PLXNA2: variants seen among roughly 807,000 people sequenced by gnomAD.
PLXNA2 encodes the protein plexin-A2.
A neutral mutation model predicts 193.5 loss-of-function variants in PLXNA2; 91 were observed. The observed-to-expected ratio is 0.47, with a 90% CI of 0.40 to 0.56. The LOEUF (loss-of-function observed/expected upper bound fraction) is 0.56, where lower values mean the gene tolerates loss of function less well. Ranked by LOEUF, PLXNA2 falls within the 20% of genes least tolerant of loss-of-function variation. The pLI is 0.00. For synonymous variants in PLXNA2, 997 were observed against 1,027.3 expected, an observed-to-expected ratio of 0.97 and a Z score of 0.56; for missense variants, 1,995 against 2,503.2, an observed-to-expected ratio of 0.80 and a Z score of 4.33.
rs1491364667 is a variant in PLXNA2 at position 208,086,979 on chromosome 1, C to CTCTCTCTCTCTCTG, written c.2098-2400_2098-2399insCAGAGAGAGAGAGA. Among the ~76,000 whole-genome samples the CTCTCTCTCTCTCTG allele has an allele frequency of 3.7e-4, 24 of 65,490 alleles. No homozygotes were observed. In the East Asian group the frequency reaches 5.7e-3, roughly 16 times the overall value. 43.0% of individuals were successfully genotyped at this position (65,490 alleles called of 152,430 possible). On this transcript the variant is annotated intron_variant, in intron 9 of 31. Coordinates refer to ENST00000367033, the MANE Select transcript of PLXNA2 (RefSeq NM_025179.4). Reference sequence around the variant, plus strand: ...TCTCTCTCTCTCTCTCTCTCTCTCTCTGTGTGTGTGTGAGAGAGAGAGAGA... The same window carrying CTCTCTCTCTCTCTG: ...TCTCTCTCTCTCTCTCTCTCTCTCTCTCTCTCTCTCTCTGTGTGTGTGTGTGAGAGAGAGAGAGA...
intron 4 of PLXNA2, among the ~76,000 whole-genome samples, chr1:208,139,845 G>A (rs919421405): frequency 1.3e-5 from 2 of 152,182 alleles, no homozygotes; most frequent in African/African-American, 4.8e-5. Context: ...GCTGTTCTTG[G>A]CTTTCAGCTT....
Position 208,103,170 on chromosome 1 carries a change from A to G in PLXNA2, c.1584T>C (p.Cys528=). The change falls in exon 5 of 32, where the codon TGT becomes TGC. Residue 528 remains cysteine (C), a synonymous_variant. Coordinates refer to ENST00000367033, the MANE Select transcript of PLXNA2 (RefSeq NM_025179.4). ...ACATGTTGTGCAGGGCACACCAGCC[A>G]CAGTGAGGGTCCCCAGAGCTCAGGC... is the stretch of plus-strand genomic sequence containing the variant. ...GECLSSGDPH[C]GWCALHNMCS... 1 of 1,614,002 alleles carries G rather than the reference A, an allele frequency of 6.2e-7. No individual in the cohort carries two copies. Among genetic ancestry groups the G allele is most frequent in the Non-Finnish European group, 8.5e-7 (1 of 1,179,890 alleles).
At chr1:208,204,384 C>T (rs1212468195) in intron 3 of PLXNA2, among the ~76,000 whole-genome samples, 1 of 152,168 alleles carries the variant, frequency 6.6e-6, no homozygotes, top group Non-Finnish European at 1.5e-5. Flanking sequence ...TAAATGCTGT[C>T]CCCTTCCTCC....
chr1:208,086,977 C>G (rs59052705), intron 9 of PLXNA2, among the ~76,000 whole-genome samples: 725 of 60,652 alleles, frequency 0.012, 3 homozygotes, highest in African/African-American at 0.03. Flanking sequence ...CTCTCTCTCT[C>G]TCTGTGTGTG....
intron 26 of PLXNA2, among the ~76,000 whole-genome samples, chr1:208,037,000 T>C (rs1443846720): frequency 6.6e-6 from 1 of 152,212 alleles, no homozygotes; most frequent in Non-Finnish European, 1.5e-5. Flanking sequence ...TTACAATTGT[T>C]CTACTGGATA....
chr1:208,168,411 T>C (rs1669377649), intron 3 of PLXNA2, among the ~76,000 whole-genome samples: 1 of 152,222 alleles, frequency 6.6e-6, no homozygotes. Context: ...CACTGATGTA[T>C]TCCTAACATC....
chr1:208,193,528 T>C (rs775168067), intron 3 of PLXNA2, among the ~76,000 whole-genome samples: 1 of 152,162 alleles, frequency 6.6e-6, no homozygotes, highest in Non-Finnish European at 1.5e-5. Flanking sequence ...CAAAATGAGA[T>C]AAAAATGGGC....
chr1:208,068,572 T>A (rs1191388787), intron 12 of PLXNA2, among the ~76,000 whole-genome samples: 1 of 152,174 alleles, frequency 6.6e-6, no homozygotes, highest in Admixed American at 6.5e-5. Flanking sequence ...GACTCTCGGA[T>A]TTCTATGCAT....
In PLXNA2 at chr1:208,033,376, A is replaced by G; in HGVS notation, c.4998T>C (p.Gly1666=). The G allele has an allele frequency of 6.2e-7, 1 of 1,613,906 alleles. No individual in the cohort carries two copies. The highest frequency in any genetic ancestry group is 8.5e-7 in the Non-Finnish European group (1 of 1,179,942). The change falls in exon 28 of 32, where the codon GGT becomes GGC. Residue 1666 remains glycine (G), a synonymous_variant. Transcript: ENST00000367033. ...CGGACACCATCTTGCTGCCCCGGTCACCCTCCTTCTGGTCACCGTGGTCAT... is the reference window on the plus strand; with the variant it reads ...CGGACACCATCTTGCTGCCCCGGTCGCCCTCCTTCTGGTCACCGTGGTCAT... The part of the protein sequence containing the change: ...KNHDHGDQKE[G]DRGSKMVSEI...
At chr1:208,030,303 G>C (rs1664459234) in intron 29 of PLXNA2, 4 of 985,500 alleles carry the variant, frequency 4.1e-6, no homozygotes, top group Non-Finnish European at 3.6e-6. Context: ...ACGATGCCAG[G>C]GTAGTCCATT....
intron 8 of PLXNA2, among the ~76,000 whole-genome samples, chr1:208,093,887 C>G (rs1012492282): frequency 6.6e-6 from 1 of 152,182 alleles, no homozygotes; most frequent in Non-Finnish European, 1.5e-5. Flanking sequence ...CTTACTCTAT[C>G]TAGTCTTTCA....
chr1:208,159,849 T>C (rs917136719), intron 3 of PLXNA2, among the ~76,000 whole-genome samples: 7 of 152,146 alleles, frequency 4.6e-5, no homozygotes, highest in African/African-American at 1.7e-4. Flanking sequence ...GAACCTGTGC[T>C]TCCAGAGCCA....
At chr1:208,058,068 C>A (rs535301364) in intron 13 of PLXNA2, among the ~76,000 whole-genome samples, 1 of 152,246 alleles carries the variant, frequency 6.6e-6, no homozygotes, top group African/African-American at 2.4e-5. Flanking sequence ...CCCCACACTA[C>A]ACCACCTCCC....
intron 13 of PLXNA2, among the ~76,000 whole-genome samples, chr1:208,057,846 C>G (rs191408756): frequency 1.3e-5 from 2 of 152,308 alleles, no homozygotes; most frequent in African/African-American, 4.8e-5. Context: ...ACAATGGGAG[C>G]TGCAGATTCC....
At chr1:208,099,804 C>T (rs576727725) in intron 5 of PLXNA2, among the ~76,000 whole-genome samples, 2 of 152,116 alleles carry the variant, frequency 1.3e-5, no homozygotes, top group South Asian at 4.2e-4. Context: ...CTCCTGATCT[C>T]GTGATCCACC....
chr1:208,068,120 T>A (rs1665856595), intron 12 of PLXNA2, among the ~76,000 whole-genome samples: 1 of 152,214 alleles, frequency 6.6e-6, no homozygotes, highest in South Asian at 2.1e-4. Flanking sequence ...ACGATAACTA[T>A]CTTGGGACAA....
At chr1:208,235,195 T>C (rs531125575) in intron 1 of PLXNA2, among the ~76,000 whole-genome samples, 18 of 152,326 alleles carry the variant, frequency 1.2e-4, no homozygotes, top group African/African-American at 4.3e-4. Flanking sequence ...GCCCTGAATG[T>C]GGTCTCCTTG....
At chr1:208,072,824 A>G (rs1354352521) in intron 12 of PLXNA2, among the ~76,000 whole-genome samples, 1 of 152,218 alleles carries the variant, frequency 6.6e-6, no homozygotes, top group African/African-American at 2.4e-5. Flanking sequence ...TTTAAGGCTC[A>G]GTACAAAGGG....
At chr1:208,228,365 C>T (rs756892341) in intron 1 of PLXNA2, among the ~76,000 whole-genome samples, 16 of 152,154 alleles carry the variant, frequency 1.1e-4, no homozygotes, top group Admixed American at 5.2e-4. Context: ...GTTCAAAGGG[C>T]GGGGCTCTTC....
Sources: gnomAD v4.1 joint callset for allele counts (sites outside exome capture counted in the v4.1 genomes callset) on GRCh38, gnomAD v4.1.1 for gene constraint, MANE v1.5 for transcripts, NCBI Gene and HGNC (gene_info 2026-07-23, HGNC 2026-07-21) for gene names.